The following CIITA variants were observed in gnomAD, a reference collection of about 807,000 sequenced individuals.
The protein encoded by CIITA is MHC class II transactivator.
In CIITA, 72 loss-of-function variants were observed where a neutral mutation model predicts 115.1. That is an observed-to-expected ratio of 0.63 (90% CI 0.52 to 0.76). The LOEUF (loss-of-function observed/expected upper bound fraction) is 0.76. Ranked by LOEUF, CIITA falls within the 30% of genes least tolerant of loss-of-function variation. The probability of loss-of-function intolerance (pLI) is 0.00; values close to 1 mark genes in which losing one functional copy is unlikely to be tolerated. For synonymous variants in CIITA, 763 were observed against 635.6 expected (o/e 1.20, Z -3.02); for missense variants, 1,617 against 1,463.8 (o/e 1.10, Z -1.71).
Position 10,922,434 on chromosome 16 carries a change from C to G in CIITA, c.3261C>G (p.Ala1087=), listed in dbSNP as rs149640268. The part of the protein sequence containing the change: ...MDVQYNKFTA[A]GAQQLAASLR... ...TCCAGTACAACAAGTTCACGGCTGC[C>G]GGGGCCCAGCAGCTCGCTGCCAGCC... Residue 1087 remains alanine (A), a synonymous_variant, in exon 18 of 20, where the codon GCC becomes GCG. Transcript: ENST00000324288. 58 of 1,614,056 alleles carry G rather than the reference C, an allele frequency of 3.6e-5. No individual in the cohort carries two copies. The African/African-American group carries it at 7.7e-4, about 22-fold the overall frequency.
At chr16:10,867,462 GAGAGACAGGC>G (rs2035164709) in intron 1 of CIITA, among the ~76,000 whole-genome samples, 1 of 151,818 alleles carries the variant, frequency 6.6e-6, no homozygotes, top group South Asian at 2.1e-4. Context: ...GAAAGAGACA[GAGAGACAGGC>G]AGAGACAGGG....
intron 13 of CIITA, among the ~76,000 whole-genome samples, chr16:10,911,055 G>A (rs1422532954): frequency 6.6e-6 from 1 of 152,160 alleles, no homozygotes; most frequent in Non-Finnish European, 1.5e-5. Flanking sequence ...GTGTTGCTGG[G>A]GTGACAGAAA....
rs778670190 is a variant in CIITA, at chr16:10,895,434, C to T, written c.199+6C>T. ...AGAGATTGAGCTCTACTCAGGTGGG[C>T]CCTCCTCCCTCTGGTCTCTTCCGGT... is the stretch of plus-strand genomic sequence containing the variant. On this transcript the variant is annotated splice_donor_region_variant and intron_variant, in intron 2 of 19. Coordinates refer to ENST00000324288, the MANE Select transcript of CIITA (RefSeq NM_000246.4). 4 of 1,613,020 alleles carry T rather than the reference C, an allele frequency of 2.5e-6. No homozygotes were observed. Among genetic ancestry groups the T allele is most frequent in the East Asian group, 2.2e-5 (1 of 44,886 alleles).
chr16:10,902,777 G>T lies in CIITA; in HGVS notation c.748G>T (p.Val250Phe). ...LWQISEAGTGVSSIFIYHGEV... is the reference protein window; with the variant it reads ...LWQISEAGTGFSSIFIYHGEV... ...GCAAATCTCTGAGGCTGGAACAGGG[G>T]TCTCCAGTATATTCATCTACCATGG... is the stretch of plus-strand genomic sequence containing the variant. The change falls in exon 8 of 20, where the codon GTC becomes TTC. Residue 250 changes from valine to phenylalanine, a missense_variant. Transcript: ENST00000324288. 1 of 1,614,160 alleles carries T rather than the reference G, an allele frequency of 6.2e-7. No homozygotes were observed. Among genetic ancestry groups the T allele is most frequent in the Admixed American group, 1.7e-5 (1 of 60,024 alleles).
chr16:10,920,166 G>A lies in CIITA; in HGVS notation c.3149+1640G>A, dbSNP rs2040194021. ...AGGGAGGCCCTTGTGGGTCACAAGAGGTATTTGCAGTTTTTCAGTGTGAAT... is the reference window on the plus strand; with the variant it reads ...AGGGAGGCCCTTGTGGGTCACAAGAAGTATTTGCAGTTTTTCAGTGTGAAT... On this transcript the variant is annotated intron_variant, in intron 16 of 19. Transcript: ENST00000324288. This position sits in a 1 kb window ranked among gnomAD's most constrained non-coding sequence, Gnocchi z 4.5. Among the ~76,000 whole-genome samples, 1 of 152,206 alleles carries A rather than the reference G, an allele frequency of 6.6e-6. No homozygotes were observed. The highest frequency in any genetic ancestry group is 2.4e-5 in the African/African-American group (1 of 41,454).
chr16:10,906,552 G>C lies in CIITA; in HGVS notation c.1060G>C (p.Ala354Pro). 2 of 1,612,900 alleles carry C rather than the reference G, an allele frequency of 1.2e-6. No individual in the cohort carries two copies. Among genetic ancestry groups the C allele is most frequent in the Non-Finnish European group, 8.5e-7 (1 of 1,179,988 alleles). Residue 354 changes from alanine to proline, a missense_variant, in exon 11 of 20, where the codon GCA (alanine) becomes CCA (proline). By Grantham distance (27) the Ala-to-Pro change is conservative (BLOSUM62 -1). Coordinates refer to ENST00000324288, the MANE Select transcript of CIITA (RefSeq NM_000246.4). ...SLQDTYGAEP[A>P]GPDGILVEVD... is the part of the protein sequence containing the mutation. ...GCAGGACACGTATGGTGCCGAGCCC[G>C]CAGGCCCGGATGGCATCCTAGTGGA...
In CIITA at chr16:10,879,531, G is replaced by C. The variant is rs554196187; in HGVS notation, c.52+2149G>C. On this transcript the variant is annotated intron_variant, in intron 1 of 19. Coordinates refer to ENST00000324288, the MANE Select transcript of CIITA (RefSeq NM_000246.4). This position sits in a 1 kb window ranked among gnomAD's most constrained non-coding sequence, Gnocchi z 4.3. Reference sequence around the variant, plus strand: ...GGGTATTGGGCTCTCCAGGCGGGGGGCCCTGCTCAGGGAGGCAGTAGGGAG... The same window carrying C: ...GGGTATTGGGCTCTCCAGGCGGGGGCCCCTGCTCAGGGAGGCAGTAGGGAG... Among the ~76,000 whole-genome samples, 1 of 152,058 alleles carries C rather than the reference G, an allele frequency of 6.6e-6. No homozygotes were observed. The highest frequency in any genetic ancestry group is 1.9e-4 in the East Asian group (1 of 5,170).
In CIITA at chr16:10,934,874, G is replaced by T. The variant is rs754177707; in HGVS notation, c.*11019G>T. On this transcript the variant is annotated 3_prime_UTR_variant, in exon 20 of 20. Coordinates refer to ENST00000324288, the MANE Select transcript of CIITA (RefSeq NM_000246.4). The surrounding 1 kb of genome is among the most constrained non-coding windows in gnomAD (Gnocchi z 4.2). The stretch of plus-strand genomic sequence containing the variant: ...GACTCGCTGGGTACCAATTATCACC[G>T]CCCTTGGGCTACTTCAAAGGCTGCC... 1.3e-5 allele frequency: 2 copies of T among 152,158 alleles called. No homozygotes were observed. The highest frequency in any genetic ancestry group is 3.2e-3 in the Middle Eastern group (1 of 316). 9.4% of individuals were successfully genotyped at this position (152,158 alleles called of 1,614,324 possible).
intron 1 of CIITA, among the ~76,000 whole-genome samples, chr16:10,892,499 C>T (rs959606241): frequency 1.3e-5 from 2 of 152,200 alleles, no homozygotes; most frequent in African/African-American, 4.8e-5. Context: ...CTCCAGGAAG[C>T]TCCCTCTGTT....
intron 16 of CIITA, 84 bp downstream of exon 16, chr16:10,918,610 G>T: frequency 2.6e-6 from 3 of 1,173,086 alleles, no homozygotes; most frequent in Non-Finnish European, 3.8e-6. Flanking sequence ...GGCTGCAGGG[G>T]ACACTGAGAC....
rs747589121 is a variant in CIITA, at chr16:10,932,137, G to A, written c.*8282G>A. On this transcript the variant is annotated 3_prime_UTR_variant, in exon 20 of 20. Coordinates refer to ENST00000324288, the MANE Select transcript of CIITA (RefSeq NM_000246.4). ...GTCGAGGACAGGGAGGTGACCCCAG[G>A]TTTCTATGTGTAGGGCGGGAGGATG... The A allele has an allele frequency of 1.3e-5, 2 of 152,156 alleles. No individual in the cohort carries two copies. Among genetic ancestry groups the A allele is most frequent in the African/African-American group, 2.4e-5 (1 of 41,414 alleles). 9.4% of individuals were successfully genotyped at this position (152,156 alleles called of 1,614,324 possible). A position where few individuals can be genotyped will look rare whatever the true frequency, so the allele number is the denominator to read the frequency against.
chr16:10,941,443 G>C lies in CIITA; in HGVS notation n.569G>C. ...GGAGTCTGGCCATTCCTGGCATCCA[G>C]TTAGACCTGGAGGAGGTGAACGGAG... On this transcript the variant is annotated non_coding_transcript_exon_variant, in exon 2 of 2. Coordinates refer to the CIITA transcript ENST00000573379. The surrounding 1 kb of genome is among the most constrained non-coding windows in gnomAD (Gnocchi z 6.4). 2.0e-6 allele frequency: 2 copies of C among 988,836 alleles called. No individual in the cohort carries two copies. The highest frequency in any genetic ancestry group is 1.3e-6 in the Non-Finnish European group (1 of 753,374). The allele number at this position is 988,836 out of a possible 1,614,324, so 61.3% of individuals were successfully genotyped here.
Position 10,895,327 on chromosome 16 carries a change from G to C in CIITA, c.98G>C (p.Gly33Ala), listed in dbSNP as rs540681980. The C allele has an allele frequency of 1.2e-6, 2 of 1,614,070 alleles. No individual in the cohort carries two copies. The highest frequency in any genetic ancestry group is 1.7e-5 in the Admixed American group (1 of 60,020). ...ATMELGPLEG[G>A]YLELLNSDAD... Reference sequence around the variant, plus strand: ...ATGGAGTTGGGGCCCCTAGAAGGTGGCTACCTGGAGCTTCTTAACAGCGAT... The same window carrying C: ...ATGGAGTTGGGGCCCCTAGAAGGTGCCTACCTGGAGCTTCTTAACAGCGAT... Residue 33 changes from glycine to alanine, a missense_variant, in exon 2 of 20, where the codon GGC (glycine) becomes GCC (alanine). By Grantham distance (60) the Gly-to-Ala change is moderately conservative. Coordinates refer to ENST00000324288, the MANE Select transcript of CIITA (RefSeq NM_000246.4).
Position 10,941,464 on chromosome 16 carries a change from C to A in CIITA, n.590C>A, listed in dbSNP as rs1465641428. 10 of 1,164,886 alleles carry A rather than the reference C, an allele frequency of 8.6e-6. 1 individual carries two copies. In the South Asian group the frequency reaches 2.1e-4, roughly 25 times the overall value. 72.2% of individuals were successfully genotyped at this position (1,164,886 alleles called of 1,614,324 possible). A position where few individuals can be genotyped will look rare whatever the true frequency, so the allele number is the denominator to read the frequency against. On this transcript the variant is annotated non_coding_transcript_exon_variant, in exon 2 of 2. Transcript: ENST00000573379. This position sits in a 1 kb window ranked among gnomAD's most constrained non-coding sequence, Gnocchi z 6.4. ...TCCAGTTAGACCTGGAGGAGGTGAA[C>A]GGAGGAGAAGCCTGAGGGAGGGGTG... is the stretch of plus-strand genomic sequence containing the variant.
At chr16:10,898,473 C>T (rs1052969027) in intron 3 of CIITA, among the ~76,000 whole-genome samples, 197 bp from the exon 4 acceptor site, 17 of 151,642 alleles carry the variant, frequency 1.1e-4, no homozygotes, top group Admixed American at 3.9e-4. Flanking sequence ...TGGATACATA[C>T]CTCATCCTTT....
At chr16:10,939,150 T>G (rs1344657439), downstream of CIITA, 1 of 152,234 alleles carries the variant, frequency 6.6e-6, no homozygotes, top group Non-Finnish European at 1.5e-5. The surrounding 1 kb of genome is among the most constrained non-coding windows in gnomAD (Gnocchi z 4.9). Context: ...AGTACAGATT[T>G]TGAATGGATT....
chr16:10,913,881 C>T (rs1341892900), intron 13 of CIITA, among the ~76,000 whole-genome samples: 2 of 151,628 alleles, frequency 1.3e-5, no homozygotes, highest in Non-Finnish European at 1.5e-5. Flanking sequence ...GCGGAGGTTG[C>T]GGTGAGCTGA....
chr16:10,895,573 G>C (rs1021226602), intron 2 of CIITA, 96 bp from the exon 3 acceptor site: 21 of 1,563,888 alleles, frequency 1.3e-5, no homozygotes, highest in Non-Finnish European at 1.8e-5. Flanking sequence ...TCTGCAGATG[G>C]GGATGATCTC....
rs201907821 is a variant in CIITA, at chr16:10,922,407, C to T, written c.3234C>T (p.Asp1078=). ...CCCCAAGGTGAGTTTCTCTTGCCAG[C>T]GTCCAGTACAACAAGTTCACGGCTG... is the stretch of plus-strand genomic sequence containing the variant. ...LPDMVSLRVM[D]VQYNKFTAAG... Residue 1078 remains aspartate, a splice_region_variant and synonymous_variant, in exon 18 of 20, where the codon GAC becomes GAT. Coordinates refer to ENST00000324288, the MANE Select transcript of CIITA (RefSeq NM_000246.4). The T allele has an allele frequency of 3.3e-5, 53 of 1,614,196 alleles. No homozygotes were observed. The East Asian group carries it at 4.9e-4, about 15-fold the overall frequency.
Sources: allele counts gnomAD v4.1 joint callset (sites outside exome capture counted in the v4.1 genomes callset), GRCh38; gene constraint gnomAD v4.1.1; non-coding constraint Gnocchi (gnomAD v3.1); transcripts MANE v1.5; gene names NCBI Gene and HGNC (gene_info 2026-07-23, HGNC 2026-07-21).